The following NT5C2 variants were observed in gnomAD, a reference collection of about 807,000 sequenced individuals.
NT5C2 encodes 5'-nucleotidase, cytosolic II, also known as cytosolic purine 5'-nucleotidase.
In NT5C2, 58 loss-of-function variants were observed where a neutral mutation model predicts 76.1. The observed-to-expected ratio is 0.76, with a 90% CI of 0.62 to 0.95. The LOEUF is 0.95. Among genes scored for constraint, NT5C2 ranks in the 40% least tolerant of loss-of-function variants. NT5C2 has a pLI of 0.00. For missense variants in NT5C2, 478 were observed against 690.3 expected (o/e 0.69, Z 3.45); for synonymous variants, 229 against 237.4 (o/e 0.96, Z 0.32).
intron 14 of NT5C2, chr10:103,093,673 A>T (rs1335645985): frequency 2.5e-6 from 1 of 401,762 alleles, no homozygotes; most frequent in African/African-American, 2.0e-5. Context: ...ACTCCTTGAG[A>T]AACCCTTGAG....
chr10:103,189,418 C>T (rs1373457687), intron 1 of NT5C2, among the ~76,000 whole-genome samples: 1 of 151,736 alleles, frequency 6.6e-6, no homozygotes, highest in African/African-American at 2.4e-5. Context: ...CCATCCTGGC[C>T]AACATGGTGA....
intron 3 of NT5C2, among the ~76,000 whole-genome samples, chr10:103,147,889 A>G (rs1051650321): frequency 2.4e-4 from 36 of 152,314 alleles, no homozygotes; most frequent in African/African-American, 8.4e-4. Flanking sequence ...TTCTAAAATT[A>G]GATAGCGGTA....
intron 4 of NT5C2, among the ~76,000 whole-genome samples, chr10:103,111,211 T>C (rs1465426647): frequency 6.6e-6 from 1 of 152,160 alleles, no homozygotes; most frequent in Non-Finnish European, 1.5e-5. Flanking sequence ...AGAGTAAACA[T>C]AACTTCACAC....
At position 103,192,826 on chromosome 10, in the gene NT5C2, TCAG is replaced by T. The variant is rs754160781; in HGVS notation, c.-169+407_-169+409del. Among the ~76,000 whole-genome samples, 5 of 151,752 alleles carry T rather than the reference TCAG, an allele frequency of 3.3e-5. No individual in the cohort carries two copies. In the South Asian group the frequency reaches 1.0e-3, roughly 32 times the overall value. ...ACAGCCTGGAATCAGCTGGAGGACG[TCAG>T]CAGGACTGAGGAAAGGGCTACCACC... is the stretch of plus-strand genomic sequence containing the variant. On this transcript the variant is annotated intron_variant, in intron 1 of 18. Transcript: ENST00000404739.
chr10:103,118,191 T>C, intron 4 of NT5C2, among the ~76,000 whole-genome samples: 1 of 152,152 alleles, frequency 6.6e-6, no homozygotes, highest in Admixed American at 6.6e-5. Flanking sequence ...TATATAACAG[T>C]AGTCTTTATA....
At position 103,095,973 on chromosome 10, in the gene NT5C2, A is replaced by C; in HGVS notation, c.779T>G (p.Met260Arg). Residue 260 changes from methionine (M) to arginine (R), a missense_variant, in exon 12 of 19, where the codon ATG (methionine) becomes AGG (arginine). Transcript: ENST00000404739. ...ATGTGGGAAGTCAAACAGGTAAGTC[A>C]TAATTTTCTGGAAAAAAAAATTTAA... ...NSDYKYTDKI[M>R]TYLFDFPHGP... 1 of 1,613,650 alleles carries C rather than the reference A, an allele frequency of 6.2e-7. No homozygotes were observed. The highest frequency in any genetic ancestry group is 1.3e-5 in the African/African-American group (1 of 75,036).
intron 4 of NT5C2, among the ~76,000 whole-genome samples, chr10:103,113,379 G>A (rs968780590): frequency 6.6e-6 from 1 of 152,000 alleles, no homozygotes; most frequent in African/African-American, 2.4e-5. Flanking sequence ...CAAATATCTT[G>A]TATTTTCAGT....
chr10:103,167,520 A>G (rs943776440), intron 3 of NT5C2, among the ~76,000 whole-genome samples: 2 of 152,202 alleles, frequency 1.3e-5, no homozygotes, highest in Non-Finnish European at 2.9e-5. Context: ...TATGATATCC[A>G]TAAGTGATTA....
intron 3 of NT5C2, among the ~76,000 whole-genome samples, chr10:103,172,524 G>A (rs957325295): frequency 1.3e-5 from 2 of 151,706 alleles, no homozygotes; most frequent in African/African-American, 2.4e-5. Context: ...TAGGATTACA[G>A]GAAAAAAATT....
At chr10:103,147,624 T>C (rs1175762332) in intron 3 of NT5C2, among the ~76,000 whole-genome samples, 1 of 152,234 alleles carries the variant, frequency 6.6e-6, no homozygotes, top group Non-Finnish European at 1.5e-5. Flanking sequence ...TGACACTTAC[T>C]ATATGTTGTC....
chr10:103,089,811 T>A lies in NT5C2; in HGVS notation c.1547A>T (p.Asp516Val), dbSNP rs2066226290. The change falls in exon 19 of 19, where the codon GAC becomes GTC. Residue 516 changes from aspartate (D) to valine (V), a missense_variant. Coordinates refer to ENST00000404739, the MANE Select transcript of NT5C2 (RefSeq NM_001351169.2). ...TRNRTSVDFKDTDYKRHQLTR... is the reference protein window; with the variant it reads ...TRNRTSVDFKVTDYKRHQLTR... ...CAGCTGGTGCCGCTTGTAGTCAGTG[T>A]CTTTGAAATCCACTGATGTGCGGTT... 6.2e-7 allele frequency: 1 copy of A among 1,614,098 alleles called. No homozygotes were observed. Among genetic ancestry groups the A allele is most frequent in the Non-Finnish European group, 8.5e-7 (1 of 1,179,992 alleles).
chr10:103,155,709 T>C (rs1047962386), intron 3 of NT5C2, among the ~76,000 whole-genome samples: 15 of 152,070 alleles, frequency 9.9e-5, no homozygotes, highest in Non-Finnish European at 1.8e-4. Flanking sequence ...CAAAGCTAGA[T>C]ACAGTTGACA....
intron 3 of NT5C2, among the ~76,000 whole-genome samples, chr10:103,165,555 C>T (rs1335455718): frequency 1.4e-5 from 2 of 145,218 alleles, no homozygotes; most frequent in African/African-American, 2.5e-5. Flanking sequence ...GGATTACAGG[C>T]GTGCACTACC....
intron 1 of NT5C2, among the ~76,000 whole-genome samples, chr10:103,192,675 T>C (rs1254001954): frequency 1.3e-5 from 2 of 152,102 alleles, no homozygotes; most frequent in African/African-American, 4.8e-5. Flanking sequence ...CTCGCGGTCC[T>C]GCTAAAACGC....
chr10:103,191,376 C>A (rs2092625818), intron 1 of NT5C2, among the ~76,000 whole-genome samples: 1 of 139,944 alleles, frequency 7.1e-6, no homozygotes, highest in South Asian at 2.3e-4. Context: ...GAGCAAAGCT[C>A]CGTCTCAAAA....
Position 103,089,502 on chromosome 10 carries a change from A to ACAAAAC in NT5C2, c.*164_*169dup, listed in dbSNP as rs1482022791. ...GACCATCTGCAGAGAGTACAGATAC[A>ACAAAAC]CAAAACCAAAACAAGTATCTATGAT... On this transcript the variant is annotated 3_prime_UTR_variant, in exon 19 of 19. Coordinates refer to ENST00000404739, the MANE Select transcript of NT5C2 (RefSeq NM_001351169.2). 7.8e-7 allele frequency: 1 copy of ACAAAAC among 1,286,338 alleles called. No homozygotes were observed. The highest frequency in any genetic ancestry group is 1.0e-6 in the Non-Finnish European group (1 of 970,782). The allele number at this position is 1,286,338 out of a possible 1,614,324, so 79.7% of individuals were successfully genotyped here. A position where few individuals can be genotyped will look rare whatever the true frequency, so the allele number is the denominator to read the frequency against.
chr10:103,119,763 GC>G (rs2075273422), intron 4 of NT5C2, among the ~76,000 whole-genome samples: 1 of 151,902 alleles, frequency 6.6e-6, no homozygotes, highest in African/African-American at 2.4e-5. Flanking sequence ...AAGAAGAAAT[GC>G]TAAAGCACAG....
At chr10:103,093,631 A>C (rs1173715169) in intron 14 of NT5C2, 1 of 357,224 alleles carries the variant, frequency 2.8e-6, no homozygotes, top group South Asian at 7.2e-5. Flanking sequence ...ACTGTTTATA[A>C]CTCCAACATA....
intron 3 of NT5C2, among the ~76,000 whole-genome samples, chr10:103,161,973 C>T (rs1355648281): frequency 6.6e-6 from 1 of 152,082 alleles, no homozygotes; most frequent in African/African-American, 2.4e-5. Flanking sequence ...TACTAAAAGC[C>T]ACTGAATAAT....
Sources: gnomAD v4.1 joint callset for allele counts (sites outside exome capture counted in the v4.1 genomes callset) on GRCh38, gnomAD v4.1.1 for gene constraint, MANE v1.5 for transcripts, NCBI Gene and HGNC (gene_info 2026-07-23, HGNC 2026-07-21) for gene names.